Variants in GALNT13 observed in about 807,000 individuals in gnomAD.
The protein encoded by GALNT13 is UDP-GalNAc:polypeptide N-acetylgalactosaminyltransferase 13.
A neutral mutation model predicts 64.2 loss-of-function variants in GALNT13; 28 were observed. The ratio of observed to expected loss-of-function variants is 0.44; its 90% confidence interval spans 0.32 to 0.60. GALNT13 has a LOEUF of 0.60. Ranked by LOEUF, GALNT13 falls within the 20% of genes least tolerant of loss-of-function variation. The pLI is 0.05. For missense variants in GALNT13, 577 were observed against 669.8 expected (o/e 0.86, Z 1.53); for synonymous variants, 214 against 224.6 (o/e 0.95, Z 0.42).
chr2:153,541,139 T>A, the GALNT13 span, among the ~76,000 whole-genome samples: 1 of 152,116 alleles, frequency 6.6e-6, no homozygotes, highest in Admixed American at 6.5e-5. Flanking sequence ...TGGGAGGTGA[T>A]TAGATCATAG....
the GALNT13 span, among the ~76,000 whole-genome samples, chr2:153,345,784 T>C: frequency 1.5e-3 from 216 of 147,002 alleles, no homozygotes; most frequent in Non-Finnish European, 2.5e-3. Context: ...TTTCTCTCTT[T>C]CTCTCTTTCT....
the GALNT13 span, among the ~76,000 whole-genome samples, chr2:153,552,297 C>T: frequency 1.3e-5 from 2 of 151,992 alleles, no homozygotes; most frequent in Non-Finnish European, 2.9e-5. Flanking sequence ...AGAAACAGAG[C>T]ATTAAGGAAG....
chr2:154,379,986 AAT>A (rs1242007671), intron 9 of GALNT13, among the ~76,000 whole-genome samples: 1 of 152,108 alleles, frequency 6.6e-6, no homozygotes, highest in African/African-American at 2.4e-5. Flanking sequence ...TAGCAGAAGA[AAT>A]AAAATTAAAC....
At chr2:153,630,807 A>ATTT in the GALNT13 span, among the ~76,000 whole-genome samples, 38 of 21,980 alleles carry the variant, frequency 1.7e-3, 1 homozygote, top group Non-Finnish European at 2.4e-3. Context: ...ATATATATAT[A>ATTT]TTTTTTTTTT....
chr2:153,795,818 A>G, the GALNT13 span, among the ~76,000 whole-genome samples: 2 of 152,208 alleles, frequency 1.3e-5, no homozygotes, highest in Admixed American at 1.3e-4. Flanking sequence ...TTCTCCTACT[A>G]TATCAAAGAA....
intron 3 of GALNT13, among the ~76,000 whole-genome samples, chr2:154,018,708 G>T (rs1340287759): frequency 1.3e-5 from 2 of 151,570 alleles, no homozygotes; most frequent in African/African-American, 2.4e-5. Context: ...GGTGGAACGG[G>T]TGAGGGGATG....
chr2:153,990,683 A>C (rs1695102313), intron 3 of GALNT13, among the ~76,000 whole-genome samples: 1 of 152,164 alleles, frequency 6.6e-6, no homozygotes, highest in South Asian at 2.1e-4. Flanking sequence ...GTTTGAGAAT[A>C]TGGAATGATA....
chr2:154,270,060 G>A (rs1162553275), intron 8 of GALNT13, among the ~76,000 whole-genome samples: 1 of 150,498 alleles, frequency 6.6e-6, no homozygotes, highest in Non-Finnish European at 1.5e-5. Context: ...GGCTTTGTAT[G>A]CTCCTTTAGA....
At chr2:153,995,624 ATCTATCCCTCAATG>A (rs898656806) in intron 3 of GALNT13, among the ~76,000 whole-genome samples, 44 of 152,164 alleles carry the variant, frequency 2.9e-4, no homozygotes, top group Middle Eastern at 6.8e-3. Context: ...TGTAGTTTTG[ATCTATCCCTCAATG>A]TCTATCCCTC....
chr2:153,895,117 G>A (rs1225308939), intron 1 of GALNT13, among the ~76,000 whole-genome samples: 2 of 152,112 alleles, frequency 1.3e-5, no homozygotes, highest in Non-Finnish European at 2.9e-5. Context: ...TTAAAAAAGA[G>A]GGACTGAAAT....
At chr2:154,284,224 T>A (rs1692128502) in intron 8 of GALNT13, among the ~76,000 whole-genome samples, 1 of 152,180 alleles carries the variant, frequency 6.6e-6, no homozygotes, top group Non-Finnish European at 1.5e-5. Flanking sequence ...AACTTATTCT[T>A]CCAGTCTAAC....
intron 9 of GALNT13, among the ~76,000 whole-genome samples, chr2:154,350,568 T>G (rs1315700723): frequency 6.6e-6 from 1 of 152,226 alleles, no homozygotes; most frequent in Non-Finnish European, 1.5e-5. Flanking sequence ...ATCCACAGCT[T>G]GCAGACAGCC....
intron 11 of GALNT13, among the ~76,000 whole-genome samples, chr2:154,426,667 T>C (rs1700485586): frequency 6.6e-6 from 1 of 152,234 alleles, no homozygotes; most frequent in South Asian, 2.1e-4. Flanking sequence ...TCCCAAATTG[T>C]AGACTTCCTT....
chr2:153,322,272 TCTGTTTCTGCCTTAATTTC>T, the GALNT13 span, among the ~76,000 whole-genome samples: 1 of 152,166 alleles, frequency 6.6e-6, no homozygotes, highest in Non-Finnish European at 1.5e-5. Flanking sequence ...TATTTGGTTT[TCTGTTTCTGCCTTAATTTC>T]CTTAGGATAA....
intron 8 of GALNT13, among the ~76,000 whole-genome samples, chr2:154,280,179 T>G (rs1691885930): frequency 6.6e-6 from 1 of 152,216 alleles, no homozygotes; most frequent in Non-Finnish European, 1.5e-5. Context: ...GTCCCCTTCT[T>G]GTAAGCATGA....
chr2:154,402,824 G>A (rs1699358730), intron 10 of GALNT13, among the ~76,000 whole-genome samples: 1 of 152,152 alleles, frequency 6.6e-6, no homozygotes, highest in African/African-American at 2.4e-5. Context: ...AACATTCTTT[G>A]TGAGTATATA....
At chr2:154,146,592 GA>G (rs1683615709) in intron 4 of GALNT13, among the ~76,000 whole-genome samples, 1 of 151,938 alleles carries the variant, frequency 6.6e-6, no homozygotes, top group African/African-American at 2.4e-5. Context: ...GGCAATTAAG[GA>G]AAAGCAGGCA....
chr2:153,224,744 C>T, the GALNT13 span, among the ~76,000 whole-genome samples: 6 of 152,186 alleles, frequency 3.9e-5, no homozygotes, highest in East Asian at 1.2e-3. Flanking sequence ...AATTTGATAA[C>T]TTAGATGAAA....
At chr2:153,674,448 A>G in the GALNT13 span, among the ~76,000 whole-genome samples, 28 of 152,192 alleles carry the variant, frequency 1.8e-4, no homozygotes, top group South Asian at 2.7e-3. Flanking sequence ...AAAGCAATGG[A>G]GAAAGGATTC....
Sources: gnomAD v4.1 joint callset for allele counts (sites outside exome capture counted in the v4.1 genomes callset) on GRCh38, gnomAD v4.1.1 for gene constraint, MANE v1.5 for transcripts, NCBI Gene and HGNC (gene_info 2026-07-23, HGNC 2026-07-21) for gene names.